The following ZNF93 variants were observed in gnomAD, a reference collection of about 807,000 sequenced individuals.
ZNF93 encodes zinc finger protein 93, also known as zinc finger protein 505.
ZNF93 carries 29 observed loss-of-function variants against 45.0 expected under a neutral mutation model. That is an observed-to-expected ratio of 0.64 (90% confidence interval 0.48 to 0.88). ZNF93 has a LOEUF of 0.88. Ranked by LOEUF, ZNF93 falls within the 40% of genes least tolerant of loss-of-function variation. ZNF93 has a pLI of 0.00. For missense variants in ZNF93, 578 were observed against 724.0 expected, an observed-to-expected ratio of 0.80 and a Z score of 2.31; for synonymous variants, 223 against 244.6, an observed-to-expected ratio of 0.91 and a Z score of 0.82.
At chr19:19,921,111 A>G (rs1439637827) in intron 3 of ZNF93, among the ~76,000 whole-genome samples, 3 of 152,100 alleles carry the variant, frequency 2.0e-5, no homozygotes, top group Non-Finnish European at 4.4e-5. Context: ...ACACTGCTTT[A>G]AATGTGTCCC....
At position 19,933,168 on chromosome 19, in the gene ZNF93, A is replaced by G. The variant is rs749362565; in HGVS notation, c.227-14A>G. 5 of 1,480,914 alleles carry G rather than the reference A, an allele frequency of 3.4e-6. No individual in the cohort carries two copies. Among genetic ancestry groups the G allele is most frequent in the Non-Finnish European group, 2.7e-6 (3 of 1,114,298 alleles). 91.7% of individuals were successfully genotyped at this position (1,480,914 alleles called of 1,614,324 possible). A position where few individuals can be genotyped will look rare whatever the true frequency, so the allele number is the denominator to read the frequency against. Reference sequence around the variant, plus strand: ...CTAGCAATTGAAGTAATGTGTTTTTATTGTTTCTTTCAGTTATATGTTCTC... The same window carrying G: ...CTAGCAATTGAAGTAATGTGTTTTTGTTGTTTCTTTCAGTTATATGTTCTC... On this transcript the variant is annotated splice_polypyrimidine_tract_variant and intron_variant, in intron 3 of 3. Transcript: ENST00000343769.
chr19:19,924,156 C>T (rs954658614), intron 3 of ZNF93, among the ~76,000 whole-genome samples: 89 of 151,814 alleles, frequency 5.9e-4, no homozygotes, highest in Admixed American at 5.3e-4. Flanking sequence ...GGCATGATTT[C>T]GGCTCACTGC....
In ZNF93 at chr19:19,933,613, A is replaced by G. The variant is rs574064177; in HGVS notation, c.658A>G (p.Lys220Glu). The G allele has an allele frequency of 1.1e-5, 18 of 1,609,966 alleles. No homozygotes were observed. The Admixed American group carries it at 1.8e-4, about 17-fold the overall frequency. ...FKYSSALNTH[K>E]RIHTGEKPYK... The stretch of plus-strand genomic sequence containing the variant: ...GTACTCCTCTGCCCTTAATACACAT[A>G]AGAGAATTCATACTGGAGAGAAACC... Residue 220 changes from lysine (K) to glutamate (E), a missense_variant, in exon 4 of 4, where the codon AAG (lysine) becomes GAG (glutamate). Transcript: ENST00000343769.
At chr19:19,918,674 G>T (rs575731619) in intron 3 of ZNF93, among the ~76,000 whole-genome samples, 1 of 152,276 alleles carries the variant, frequency 6.6e-6, no homozygotes, top group South Asian at 2.1e-4. Flanking sequence ...TCTCATTGTG[G>T]TTTTGATTTG....
chr19:19,901,476 C>T (rs1379413333), intron 1 of ZNF93, among the ~76,000 whole-genome samples: 1 of 152,096 alleles, frequency 6.6e-6, no homozygotes, highest in Non-Finnish European at 1.5e-5. Context: ...CTCTTTTCTC[C>T]TATTAAAAAT....
intron 1 of ZNF93, among the ~76,000 whole-genome samples, chr19:19,914,277 A>T (rs1354710179): frequency 6.6e-6 from 1 of 152,214 alleles, no homozygotes; most frequent in East Asian, 1.9e-4. Context: ...ATGGGATAGA[A>T]TTTATTACCC....
intron 1 of ZNF93, among the ~76,000 whole-genome samples, chr19:19,912,179 T>A (rs965063182): frequency 1.3e-5 from 2 of 152,204 alleles, no homozygotes; most frequent in Non-Finnish European, 2.9e-5. Context: ...GGGCAGTGAC[T>A]AGAAAAGATA....
chr19:19,933,038 T>A, intron 3 of ZNF93, 144 bp from the exon 4 acceptor site: 2 of 627,804 alleles, frequency 3.2e-6, no homozygotes, highest in Non-Finnish European at 4.8e-6. Context: ...GTTACATTTA[T>A]ATGTTCAGGA....
At chr19:19,928,808 C>T (rs1308026771) in intron 3 of ZNF93, among the ~76,000 whole-genome samples, 1 of 152,122 alleles carries the variant, frequency 6.6e-6, no homozygotes, top group Admixed American at 6.5e-5. Flanking sequence ...GCCATGGCAC[C>T]CAATCAGTAT....
At chr19:19,910,782 G>A (rs1043090131) in intron 1 of ZNF93, among the ~76,000 whole-genome samples, 38 of 151,926 alleles carry the variant, frequency 2.5e-4, no homozygotes, top group African/African-American at 8.7e-4. Flanking sequence ...GATCCTACCT[G>A]GAATCTGCAG....
chr19:19,930,438 A>G (rs1472837135), intron 3 of ZNF93, among the ~76,000 whole-genome samples: 1 of 152,140 alleles, frequency 6.6e-6, no homozygotes, highest in Non-Finnish European at 1.5e-5. Flanking sequence ...CAAGAGGTGG[A>G]GGAGTAGAGT....
At chr19:19,929,063 C>T (rs1045760802) in intron 3 of ZNF93, among the ~76,000 whole-genome samples, 1 of 152,096 alleles carries the variant, frequency 6.6e-6, no homozygotes, top group South Asian at 2.1e-4. Flanking sequence ...TCATGAATGG[C>T]TTGGTACATC....
At chr19:19,926,942 A>G (rs1378393245) in intron 3 of ZNF93, among the ~76,000 whole-genome samples, 1 of 152,148 alleles carries the variant, frequency 6.6e-6, no homozygotes, top group Non-Finnish European at 1.5e-5. Flanking sequence ...CATGTGTTTA[A>G]TGATTAATGT....
At chr19:19,929,984 C>A (rs185918746) in intron 3 of ZNF93, among the ~76,000 whole-genome samples, 1 of 136,162 alleles carries the variant, frequency 7.3e-6, no homozygotes, top group Non-Finnish European at 1.6e-5. Context: ...AATAAAGACA[C>A]AAGACAAAGA....
In ZNF93 at chr19:19,934,214, C is replaced by G. The variant is rs4435385; in HGVS notation, c.1259C>G (p.Thr420Ser). ...CTTAGTTCACATAAGAGAAGTCATA[C>G]TGGAGAGAAACCCTACAAATGTGAA... The part of the protein sequence containing the change: ...STLSSHKRSH[T>S]GEKPYKCEEC... Residue 420 changes from threonine to serine, a missense_variant, in exon 4 of 4, where the codon ACT (threonine) becomes AGT (serine). Around this residue, in one of 3 missense-constraint regions of ZNF93, gnomAD observed 446 missense variants for 547.6 expected, o/e 0.81. Transcript: ENST00000343769. The G allele has an allele frequency of 6.2e-7, 1 of 1,611,952 alleles. No individual in the cohort carries two copies. The highest frequency in any genetic ancestry group is 1.3e-5 in the African/African-American group (1 of 74,814).
chr19:19,912,267 G>A (rs1356927126), intron 1 of ZNF93, among the ~76,000 whole-genome samples: 1 of 152,090 alleles, frequency 6.6e-6, no homozygotes. Flanking sequence ...TTTCCTAGTT[G>A]CATAGAGAAC....
At chr19:19,916,524 G>C (rs369294097) in intron 2 of ZNF93, 36 bp from the exon 3 acceptor site, 12 of 1,552,640 alleles carry the variant, frequency 7.7e-6, no homozygotes, top group Non-Finnish European at 1.1e-5. Context: ...TGGAGAATAT[G>C]AGCAAGATTC....
chr19:19,903,846 G>A (rs555494633), intron 1 of ZNF93, among the ~76,000 whole-genome samples: 8 of 151,164 alleles, frequency 5.3e-5, no homozygotes, highest in African/African-American at 1.9e-4. Context: ...AGAGGCAGGC[G>A]GATCACCTGA....
In ZNF93 at chr19:19,900,952, C is replaced by A. The variant is rs115942353; in HGVS notation, c.-137C>A. ...CTGGTTTGGCGGGTCCTTTGTCTCT[C>A]GGTGCAGCCGGAGCTCCAGGTCTCC... On this transcript the variant is annotated 5_prime_UTR_variant, in exon 1 of 4. Transcript: ENST00000343769. The A allele has an allele frequency of 2.1e-6, 3 of 1,443,288 alleles. No homozygotes were observed. The highest frequency in any genetic ancestry group is 1.2e-5 in the South Asian group (1 of 86,478). 89.4% of individuals were successfully genotyped at this position (1,443,288 alleles called of 1,614,324 possible).
Sources: allele counts gnomAD v4.1 joint callset (sites outside exome capture counted in the v4.1 genomes callset), GRCh38; gene constraint gnomAD v4.1.1; regional missense constraint gnomAD v4.1.1; transcripts MANE v1.5; gene names NCBI Gene and HGNC (gene_info 2026-07-23, HGNC 2026-07-21).